Variants in CEP41 observed in about 807,000 individuals in gnomAD.
The protein encoded by CEP41 is centrosomal protein 41, also known as centrosomal protein of 41 kDa.
Under a neutral mutation model 44.3 loss-of-function variants are expected in CEP41, and 32 were observed. That is an observed-to-expected ratio of 0.72 (90% CI 0.54 to 0.97). CEP41 has a LOEUF of 0.97. CEP41 is among the 50% of genes least tolerant of loss of function. CEP41 has a pLI of 0.00. For synonymous variants in CEP41, 151 were observed against 168.5 expected, an observed-to-expected ratio of 0.90 and a Z score of 0.80; for missense variants, 432 against 455.2, an observed-to-expected ratio of 0.95 and a Z score of 0.46.
In CEP41 at chr7:130,419,446, T is replaced by C. The variant is rs144779797; in HGVS notation, c.98-2480A>G. On this transcript the variant is annotated intron_variant, in intron 2 of 10. Transcript: ENST00000223208. ...ATGCAGCCTATCTTACTGTATCTAA[T>C]TGCATCTGAAGATAGTTTCTGACTA... 1.7e-4 allele frequency: 167 copies of C among 985,210 alleles called. No individual in the cohort carries two copies. In the African/African-American group the frequency reaches 2.7e-3, roughly 16 times the overall value. 61.0% of individuals were successfully genotyped at this position (985,210 alleles called of 1,614,324 possible).
At chr7:130,401,829 G>T in intron 8 of CEP41, 52 bp downstream of exon 8, 1 of 1,232,860 alleles carries the variant, frequency 8.1e-7, no homozygotes, top group South Asian at 1.2e-5. Context: ...TGATAACTTT[G>T]ATTCTTACAA....
chr7:130,398,571 A>T lies in CEP41; in HGVS notation c.*320T>A, dbSNP rs529570716. 1.0e-5 allele frequency: 5 copies of T among 492,368 alleles called. No homozygotes were observed. Among genetic ancestry groups the T allele is most frequent in the East Asian group, 1.2e-4 (2 of 17,288 alleles). 30.5% of individuals were successfully genotyped at this position (492,368 alleles called of 1,614,324 possible). ...GAGACCCAACAAGCTGGACCTTATT[A>T]AAAAAAAACAAAACAAAAAAACTAA... On this transcript the variant is annotated 3_prime_UTR_variant, in exon 11 of 11. Transcript: ENST00000223208.
At chr7:130,429,834 C>T (rs988689348) in intron 1 of CEP41, among the ~76,000 whole-genome samples, 5 of 152,186 alleles carry the variant, frequency 3.3e-5, no homozygotes, top group African/African-American at 7.2e-5. Flanking sequence ...TCTAGGATTT[C>T]CCTGAAGGCA....
chr7:130,401,837 C>A (rs368396429), intron 8 of CEP41, 44 bp downstream of exon 8: 1 of 1,301,180 alleles, frequency 7.7e-7, no homozygotes, highest in South Asian at 1.2e-5. Flanking sequence ...TTGATTCTTA[C>A]AATCCTCATA....
intron 2 of CEP41, among the ~76,000 whole-genome samples, chr7:130,423,551 C>T (rs540778012): frequency 1.6e-4 from 24 of 152,196 alleles, no homozygotes; most frequent in African/African-American, 5.1e-4. Flanking sequence ...CTGTGGAAAA[C>T]AGTTTGGCAG....
chr7:130,419,949 G>GTA, intron 2 of CEP41: 2 of 981,300 alleles, frequency 2.0e-6, no homozygotes, highest in Non-Finnish European at 1.2e-6. Flanking sequence ...TTATGGGCAC[G>GTA]TACACACACA....
intron 1 of CEP41, among the ~76,000 whole-genome samples, chr7:130,433,835 CAAG>C (rs1288682373): frequency 6.6e-6 from 1 of 151,808 alleles, no homozygotes; most frequent in Admixed American, 6.6e-5. Context: ...GTACCTACTA[CAAG>C]ACCCTCTACT....
chr7:130,431,297 G>GA (rs1797815590), intron 1 of CEP41, among the ~76,000 whole-genome samples: 1 of 152,126 alleles, frequency 6.6e-6, no homozygotes, highest in Admixed American at 6.5e-5. Flanking sequence ...TGAAGAAGCT[G>GA]AAAAAAGAAG....
intron 9 of CEP41, 82 bp from the exon 10 acceptor site, chr7:130,400,336 C>G: frequency 1.1e-6 from 1 of 951,566 alleles, no homozygotes; most frequent in South Asian, 1.3e-5. Context: ...TGCATGTCTT[C>G]TAATCTCTGG....
rs185279039 is a variant in CEP41 at position 130,418,347 on chromosome 7, A to G, written c.98-1381T>C. ...TGCAATTGACCCGAGATGTGACCAG[A>G]TCTTCAGAGCAGAAGCCACAATTTC... On this transcript the variant is annotated intron_variant, in intron 2 of 10. Transcript: ENST00000223208. Among the ~76,000 whole-genome samples the G allele has an allele frequency of 1.1e-3, 168 of 152,300 alleles. 5 individuals carry two copies. Among genetic ancestry groups the G allele is most frequent in the Admixed American group, 7.3e-3 (112 of 15,304 alleles).
At chr7:130,425,265 T>C (rs1797627820) in intron 2 of CEP41, among the ~76,000 whole-genome samples, 1 of 151,990 alleles carries the variant, frequency 6.6e-6, no homozygotes, top group African/African-American at 2.4e-5. Context: ...ATACAAAAAT[T>C]AGCCAGACAT....
intron 6 of CEP41, 50 bp downstream of exon 6, chr7:130,404,514 G>A: frequency 6.5e-7 from 1 of 1,536,088 alleles, no homozygotes; most frequent in Non-Finnish European, 9.0e-7. Flanking sequence ...TTGGCGTCTA[G>A]ATTAATATAA....
At chr7:130,440,491 A>G in intron 1 of CEP41, 2 of 322,164 alleles carry the variant, frequency 6.2e-6, no homozygotes, top group South Asian at 2.9e-5. Flanking sequence ...GGGTAAGCCT[A>G]ATGTCCTATT....
chr7:130,432,856 A>C (rs2117697300), intron 1 of CEP41, among the ~76,000 whole-genome samples: 1 of 152,284 alleles, frequency 6.6e-6, no homozygotes, highest in South Asian at 2.1e-4. Flanking sequence ...AAGATTTGGG[A>C]GTTGTCAGCC....
chr7:130,410,554 T>G (rs1167286424), intron 5 of CEP41, among the ~76,000 whole-genome samples: 1 of 152,212 alleles, frequency 6.6e-6, no homozygotes, highest in Non-Finnish European at 1.5e-5. Context: ...CCTCTGCAGC[T>G]TGGGCCTCTC....
chr7:130,428,910 C>CA lies in CEP41; in HGVS notation c.34-893dup, dbSNP rs555010636. Among the ~76,000 whole-genome samples, 33 of 146,538 alleles carry CA rather than the reference C, an allele frequency of 2.3e-4. 4 individuals carry two copies. Among genetic ancestry groups the CA allele is most frequent in the Admixed American group, 1.2e-3 (18 of 14,702 alleles). ...TGGGTGACAGAGTGAGACTCTGTCT[C>CA]AAAAAAATAAATAAATAAATAAATA... On this transcript the variant is annotated intron_variant, in intron 1 of 10. Transcript: ENST00000223208.
intron 2 of CEP41, chr7:130,419,478 A>G: frequency 5.1e-6 from 5 of 984,684 alleles, no homozygotes; most frequent in Non-Finnish European, 4.8e-6. Flanking sequence ...ACTACCTTTT[A>G]AAAAGATTGG....
intron 10 of CEP41, chr7:130,399,752 G>A (rs1364547032): frequency 1.5e-5 from 5 of 343,784 alleles, no homozygotes; most frequent in South Asian, 2.8e-5. Flanking sequence ...CCGGGGAGAC[G>A]GAGGTTGCAG....
In CEP41 at chr7:130,398,462, A is replaced by C; in HGVS notation, c.*429T>G. ...ACCAAGACTGCCCGGAGAAGCCTTC[A>C]TGAAGTCAAGAACAGTGAATGAAAA... On this transcript the variant is annotated 3_prime_UTR_variant, in exon 11 of 11. Transcript: ENST00000223208. 2.2e-6 allele frequency: 1 copy of C among 454,738 alleles called. No individual in the cohort carries two copies. The allele number at this position is 454,738 out of a possible 1,614,324, so 28.2% of individuals were successfully genotyped here. A position where few individuals can be genotyped will look rare whatever the true frequency, so the allele number is the denominator to read the frequency against.
Sources: gnomAD v4.1 joint callset for allele counts (sites outside exome capture counted in the v4.1 genomes callset) on GRCh38, gnomAD v4.1.1 for gene constraint, MANE v1.5 for transcripts, NCBI Gene and HGNC (gene_info 2026-07-23, HGNC 2026-07-21) for gene names.